The following MACROD2 variants were observed in gnomAD, a reference collection of about 807,000 sequenced individuals.
The protein encoded by MACROD2 is mono-ADP ribosylhydrolase 2.
Under a neutral mutation model 70.4 loss-of-function variants are expected in MACROD2, and 36 were observed. The ratio of observed to expected loss-of-function variants is 0.51; its 90% CI spans 0.39 to 0.68. The LOEUF (loss-of-function observed/expected upper bound fraction) is 0.68. Among genes scored for constraint, MACROD2 ranks in the 30% least tolerant of loss-of-function variants. The pLI, the probability that MACROD2 is intolerant of heterozygous loss-of-function variation, is 0.00. For synonymous variants in MACROD2, 172 were observed against 178.8 expected, an observed-to-expected ratio of 0.96 and a Z score of 0.30; for missense variants, 496 against 538.4, an observed-to-expected ratio of 0.92 and a Z score of 0.78.
At chr20:15,992,850 A>G (rs2066576455) in intron 15 of MACROD2, among the ~76,000 whole-genome samples, 1 of 152,214 alleles carries the variant, frequency 6.6e-6, no homozygotes, top group Non-Finnish European at 1.5e-5. Context: ...GTCTTTAAAT[A>G]TTGAGCTTTT....
chr20:15,672,650 G>A (rs1394056617), intron 8 of MACROD2, among the ~76,000 whole-genome samples: 2 of 152,150 alleles, frequency 1.3e-5, no homozygotes, highest in African/African-American at 4.8e-5. Flanking sequence ...ATCAGAGGTG[G>A]CAAACTCTCA....
rs140864046 is a variant in MACROD2, at chr20:14,869,942, C to A, written c.418+184983C>A. On this transcript the variant is annotated intron_variant, in intron 5 of 17. Coordinates refer to ENST00000684519, the MANE Select transcript of MACROD2 (RefSeq NM_001351661.2). ...ATTCAGGAACCAGGGCTCATGGAGG[C>A]TCTGCTATTTTTTAAGCTTTTATTT... Among the ~76,000 whole-genome samples the A allele has an allele frequency of 7.2e-5, 11 of 152,182 alleles. No individual in the cohort carries two copies. In the East Asian group the frequency reaches 1.9e-3, roughly 27 times the overall value.
intron 8 of MACROD2, among the ~76,000 whole-genome samples, chr20:15,758,750 C>A (rs1019169331): frequency 3.3e-5 from 5 of 151,864 alleles, no homozygotes; most frequent in Non-Finnish European, 4.4e-5. Flanking sequence ...ACCATCTTGC[C>A]CAGGATGGTC....
intron 3 of MACROD2, among the ~76,000 whole-genome samples, chr20:14,451,399 A>G (rs1235612168): frequency 6.6e-6 from 1 of 152,120 alleles, no homozygotes; most frequent in African/African-American, 2.4e-5. Flanking sequence ...CAGTGAGCTG[A>G]GATCATGCCA....
chr20:14,098,003 T>G (rs2054251581), intron 3 of MACROD2, among the ~76,000 whole-genome samples: 1 of 152,200 alleles, frequency 6.6e-6, no homozygotes, highest in Non-Finnish European at 1.5e-5. Flanking sequence ...ATTTTTGGAC[T>G]AGGGATGTTC....
chr20:15,939,272 G>A (rs1214096231), intron 12 of MACROD2, among the ~76,000 whole-genome samples: 1 of 152,170 alleles, frequency 6.6e-6, no homozygotes, highest in African/African-American at 2.4e-5. Context: ...CATAGCTAGA[G>A]AGGAGAAGTC....
At chr20:16,004,543 G>A (rs2066760674) in intron 15 of MACROD2, among the ~76,000 whole-genome samples, 1 of 152,206 alleles carries the variant, frequency 6.6e-6, no homozygotes, top group Non-Finnish European at 1.5e-5. Flanking sequence ...TGGGTGGATG[G>A]GCAGATGGCA....
chr20:14,106,125 G>A (rs1452608479), intron 3 of MACROD2, among the ~76,000 whole-genome samples: 1 of 152,194 alleles, frequency 6.6e-6, no homozygotes. Context: ...GCAGGTTCTT[G>A]GACAGCATTT....
At chr20:15,945,428 C>T (rs1423863936) in intron 12 of MACROD2, among the ~76,000 whole-genome samples, 1 of 152,148 alleles carries the variant, frequency 6.6e-6, no homozygotes, top group East Asian at 1.9e-4. Flanking sequence ...CTATGATAAA[C>T]AAGCACTTTT....
At chr20:14,133,613 C>T (rs2054749192) in intron 3 of MACROD2, among the ~76,000 whole-genome samples, 1 of 152,096 alleles carries the variant, frequency 6.6e-6, no homozygotes, top group Non-Finnish European at 1.5e-5. Flanking sequence ...AGGAAAAGTC[C>T]TGAATGGGTG....
At chr20:14,537,575 A>G (rs564879231) in intron 4 of MACROD2, among the ~76,000 whole-genome samples, 1 of 152,178 alleles carries the variant, frequency 6.6e-6, no homozygotes, top group Admixed American at 6.5e-5. Context: ...TGGTGTGTAT[A>G]GGAACCAGAT....
chr20:14,200,529 TAAACAAA>T (rs1242071751), intron 3 of MACROD2, among the ~76,000 whole-genome samples: 1 of 152,008 alleles, frequency 6.6e-6, no homozygotes, highest in Non-Finnish European at 1.5e-5. Flanking sequence ...CCCCTGAACT[TAAACAAA>T]AAACAAAAAA....
At chr20:15,828,222 A>G (rs2064018228) in intron 8 of MACROD2, among the ~76,000 whole-genome samples, 1 of 152,188 alleles carries the variant, frequency 6.6e-6, no homozygotes, top group African/African-American at 2.4e-5. Context: ...TCAAAACATC[A>G]CATTGTATAC....
At chr20:15,909,030 G>A (rs535568667) in intron 10 of MACROD2, among the ~76,000 whole-genome samples, 3 of 152,336 alleles carry the variant, frequency 2.0e-5, no homozygotes, top group African/African-American at 7.2e-5. Flanking sequence ...GGGCTCGACA[G>A]GGATAGTTGT....
At chr20:14,890,255 G>T (rs1376436266) in intron 5 of MACROD2, among the ~76,000 whole-genome samples, 1 of 152,102 alleles carries the variant, frequency 6.6e-6, no homozygotes, top group East Asian at 1.9e-4. Context: ...TTCAAGTCAT[G>T]AGGATAGATG....
In MACROD2 at chr20:16,047,027, A is replaced by G. The variant is rs527805016; in HGVS notation, c.1300+2388A>G. On this transcript the variant is annotated intron_variant, in intron 17 of 17. Coordinates refer to ENST00000684519, the MANE Select transcript of MACROD2 (RefSeq NM_001351661.2). ...CTAAATTCCAGGAAGGAGAAGTGACATGCACAGGGTCACCTGGCTAATAAA... is the reference window on the plus strand; with the variant it reads ...CTAAATTCCAGGAAGGAGAAGTGACGTGCACAGGGTCACCTGGCTAATAAA... Among the ~76,000 whole-genome samples the G allele has an allele frequency of 3.9e-5, 6 of 152,310 alleles. No individual in the cohort carries two copies. In the South Asian group the frequency reaches 1.2e-3, roughly 32 times the overall value.
intron 3 of MACROD2, among the ~76,000 whole-genome samples, chr20:14,479,834 T>C (rs1040506516): frequency 3.9e-5 from 6 of 152,180 alleles, no homozygotes; most frequent in African/African-American, 1.4e-4. Flanking sequence ...TTATGTATTA[T>C]AAAAATAACA....
chr20:14,109,113 AT>A (rs977550893), intron 3 of MACROD2, among the ~76,000 whole-genome samples: 2 of 152,202 alleles, frequency 1.3e-5, no homozygotes, highest in East Asian at 3.9e-4. Context: ...AACAAGAAGA[AT>A]TTTGGAAACT....
intron 8 of MACROD2, among the ~76,000 whole-genome samples, chr20:15,844,762 T>A (rs540486738): frequency 6.6e-6 from 1 of 152,246 alleles, no homozygotes; most frequent in South Asian, 2.1e-4. Flanking sequence ...TTATTGAGTG[T>A]CGGCTCTATA....
Sources: allele counts gnomAD v4.1 joint callset (sites outside exome capture counted in the v4.1 genomes callset), GRCh38; gene constraint gnomAD v4.1.1; transcripts MANE v1.5; gene names NCBI Gene and HGNC (gene_info 2026-07-23, HGNC 2026-07-21).